Variants in KIF15 observed in about 807,000 individuals in gnomAD.
KIF15 encodes the protein kinesin-like protein KIF15.
Under a neutral mutation model 190.6 loss-of-function variants are expected in KIF15, and 140 were observed. The ratio of observed to expected loss-of-function variants is 0.73; its 90% confidence interval spans 0.64 to 0.84. KIF15 has a LOEUF of 0.84. Among genes scored for constraint, KIF15 ranks in the 40% least tolerant of loss-of-function variants. The probability of loss-of-function intolerance (pLI) is 0.00; values close to 1 mark genes in which losing one functional copy is unlikely to be tolerated. For synonymous variants in KIF15, 528 were observed against 551.3 expected (o/e 0.96, Z 0.59); for missense variants, 1,372 against 1,584.4 (o/e 0.87, Z 2.28).
chr3:44,778,929 G>A (rs1210926147), intron 4 of KIF15, among the ~76,000 whole-genome samples: 5 of 135,710 alleles, frequency 3.7e-5, no homozygotes, highest in East Asian at 2.4e-4. Flanking sequence ...GCAGTGAGCC[G>A]AGATTGCACC....
chr3:44,844,148 TGACAGA>T (rs144929656), intron 30 of KIF15, among the ~76,000 whole-genome samples: 2,835 of 152,294 alleles, frequency 0.019, 75 homozygotes, highest in African/African-American at 0.063. Flanking sequence ...ACAACATCTT[TGACAGA>T]GAAGCTTGTG....
At chr3:44,841,689 C>T (rs750467848) in intron 29 of KIF15, among the ~76,000 whole-genome samples, 31 of 152,180 alleles carry the variant, frequency 2.0e-4, no homozygotes, top group African/African-American at 3.4e-4. Flanking sequence ...TGAGCCACCG[C>T]GCCTGGCCAA....
intron 4 of KIF15, among the ~76,000 whole-genome samples, chr3:44,779,001 A>AAC (rs60293095): frequency 6.8e-6 from 1 of 147,078 alleles, no homozygotes; most frequent in Non-Finnish European, 1.5e-5. Context: ...AAAAAAAAAA[A>AAC]CCAAAACAAA....
At chr3:44,826,877 A>G (rs75372050) in intron 22 of KIF15, 4,000 of 355,082 alleles carry the variant, frequency 0.011, 129 homozygotes, top group African/African-American at 0.075. Context: ...TCCTCTCCTT[A>G]GTAGTCTCAG....
intron 32 of KIF15, among the ~76,000 whole-genome samples, chr3:44,849,000 T>A (rs1367063457): frequency 6.6e-6 from 1 of 152,218 alleles, no homozygotes; most frequent in Non-Finnish European, 1.5e-5. Context: ...GTTTTCATAT[T>A]AATTCATGTA....
intron 1 of KIF15, among the ~76,000 whole-genome samples, chr3:44,770,067 A>C (rs1159356228): frequency 6.6e-6 from 1 of 152,154 alleles, no homozygotes; most frequent in African/African-American, 2.4e-5. Context: ...GTAGTTGGAG[A>C]TCTCTGGTTG....
rs200605671 is a variant in KIF15, at chr3:44,777,121, A to AT, written c.247-985dup. On this transcript the variant is annotated intron_variant, in intron 3 of 34. Coordinates refer to ENST00000326047, the MANE Select transcript of KIF15 (RefSeq NM_020242.3). ...AGGCATATGCCACTATGCTTGGCTA[A>AT]TTTTTTTTTCATTCCAGGATAAATC... Among the ~76,000 whole-genome samples, 50 of 149,682 alleles carry AT rather than the reference A, an allele frequency of 3.3e-4. No individual in the cohort carries two copies. The East Asian group carries it at 5.9e-3, about 18-fold the overall frequency.
intron 26 of KIF15, among the ~76,000 whole-genome samples, chr3:44,837,108 T>C (rs1698359421): frequency 6.6e-6 from 1 of 152,248 alleles, no homozygotes; most frequent in Non-Finnish European, 1.5e-5. Flanking sequence ...CCAATTTCTA[T>C]GTTTATTCAA....
At chr3:44,810,470 C>G (rs964186626) in intron 16 of KIF15, among the ~76,000 whole-genome samples, 15 of 151,848 alleles carry the variant, frequency 9.9e-5, no homozygotes, top group African/African-American at 3.4e-4. Flanking sequence ...TGTTGCCCAG[C>G]CTGGTCTTGG....
At chr3:44,801,033 A>G (rs895460299) in intron 11 of KIF15, among the ~76,000 whole-genome samples, 2 of 148,880 alleles carry the variant, frequency 1.3e-5, no homozygotes, top group Non-Finnish European at 3.0e-5. Context: ...TTTGAGACGC[A>G]GTCTCTCTTT....
intron 32 of KIF15, among the ~76,000 whole-genome samples, chr3:44,850,214 G>C (rs1240695223): frequency 6.6e-6 from 1 of 152,056 alleles, no homozygotes; most frequent in African/African-American, 2.4e-5. Context: ...TGAAAGATTT[G>C]TTACCCAATC....
downstream of KIF15, among the ~76,000 whole-genome samples, chr3:44,854,309 C>T (rs1699157220): frequency 6.6e-6 from 1 of 151,118 alleles, no homozygotes; most frequent in African/African-American, 2.4e-5. Context: ...CGCTTGAACC[C>T]GGGAGGCAGA....
chr3:44,794,169 C>T, intron 7 of KIF15, 48 bp from the exon 8 acceptor site: 1 of 1,506,806 alleles, frequency 6.6e-7, no homozygotes, highest in Non-Finnish European at 9.1e-7. Flanking sequence ...GCATAAGCCA[C>T]TGTAACTGGT....
intron 6 of KIF15, among the ~76,000 whole-genome samples, chr3:44,860,360 C>T (rs568767516): frequency 2.6e-5 from 4 of 151,822 alleles, no homozygotes; most frequent in African/African-American, 7.3e-5. Flanking sequence ...ACCATATTGG[C>T]GTTACTGAAA....
intron 6 of KIF15, chr3:44,865,218 A>G (rs746910662): frequency 6.2e-7 from 1 of 1,612,870 alleles, no homozygotes; most frequent in South Asian, 1.1e-5. Flanking sequence ...AAAGATCATG[A>G]TGGTGGCCCA....
chr3:44,838,277 G>C lies in KIF15; in HGVS notation c.3174G>C (p.Arg1058Ser). 6.2e-7 allele frequency: 1 copy of C among 1,602,540 alleles called. No homozygotes were observed. ...RLRILSEDIERDMLCEDLAHA... is the reference protein window; with the variant it reads ...RLRILSEDIESDMLCEDLAHA... ...CTGTGATGATTGTCTCCTAACAGAGGGATATGCTCTGTGAGGACCTGGCTC... is the reference window on the plus strand; with the variant it reads ...CTGTGATGATTGTCTCCTAACAGAGCGATATGCTCTGTGAGGACCTGGCTC... The change falls in exon 27 of 35, where the codon AGG becomes AGC. Residue 1058 changes from arginine to serine, a missense_variant and splice_region_variant. Physicochemically the swap from Arg to Ser is moderately radical, Grantham distance 110. Coordinates refer to ENST00000326047, the MANE Select transcript of KIF15 (RefSeq NM_020242.3).
At chr3:44,782,607 G>C (rs922103805) in intron 5 of KIF15, among the ~76,000 whole-genome samples, 1 of 152,132 alleles carries the variant, frequency 6.6e-6, no homozygotes, top group Non-Finnish European at 1.5e-5. Flanking sequence ...TTATGCCAAA[G>C]GTAATAAGTG....
chr3:44,789,589 G>A (rs114352860), intron 7 of KIF15, among the ~76,000 whole-genome samples: 1,532 of 146,228 alleles, frequency 0.01, 24 homozygotes, highest in African/African-American at 0.036. Flanking sequence ...GAGATGCACT[G>A]ATTTCCCACT....
chr3:44,813,716 A>G (rs1707907118), intron 19 of KIF15, among the ~76,000 whole-genome samples: 1 of 142,272 alleles, frequency 7.0e-6, no homozygotes. Flanking sequence ...TGCAACCTCC[A>G]GCTCCTGGGT....
Sources: gnomAD v4.1 joint callset for allele counts (sites outside exome capture counted in the v4.1 genomes callset) on GRCh38, gnomAD v4.1.1 for gene constraint, MANE v1.5 for transcripts, NCBI Gene and HGNC (gene_info 2026-07-23, HGNC 2026-07-21) for gene names.